The following KDM4B variants were observed in gnomAD, a reference collection of about 807,000 sequenced individuals.
KDM4B encodes lysine-specific demethylase 4B.
KDM4B carries 32 observed loss-of-function variants against 125.2 expected under a neutral mutation model. The ratio of observed to expected loss-of-function variants is 0.26; its 90% CI spans 0.19 to 0.34. The LOEUF is 0.34. Among genes scored for constraint, KDM4B ranks in the 10% least tolerant of loss-of-function variants. The pLI is 1.00. For synonymous variants in KDM4B, 721 were observed against 677.9 expected (o/e 1.06, Z -0.99); for missense variants, 1,190 against 1,577.7 (o/e 0.75, Z 4.16).
In KDM4B at chr19:5,142,378, C is replaced by T. The variant is rs1036203476; in HGVS notation, c.2551-1589C>T. On this transcript the variant is annotated intron_variant, in intron 18 of 22. Coordinates refer to ENST00000159111, the MANE Select transcript of KDM4B (RefSeq NM_015015.3). The surrounding 1 kb of genome is among the most constrained non-coding windows in gnomAD (Gnocchi z 5.4). ...GCCACAGCGCGTGGCGTGACTGGAC[C>T]TCGCCTTAGTAGGGGTGGCTCTGGG... Among the ~76,000 whole-genome samples, 2 of 152,212 alleles carry T rather than the reference C, an allele frequency of 1.3e-5. No individual in the cohort carries two copies. The highest frequency in any genetic ancestry group is 2.9e-5 in the Non-Finnish European group (2 of 68,020).
At chr19:5,119,385 G>C (rs111657219) in intron 10 of KDM4B, among the ~76,000 whole-genome samples, 6 of 152,202 alleles carry the variant, frequency 3.9e-5, no homozygotes, top group African/African-American at 1.4e-4. Context: ...ATCTCCAGCT[G>C]TCATCAGCGT....
intron 1 of KDM4B, among the ~76,000 whole-genome samples, chr19:4,998,984 G>T (rs186445588): frequency 3.2e-4 from 48 of 152,240 alleles, no homozygotes; most frequent in African/African-American, 9.6e-4. Flanking sequence ...TGGTTAAGGT[G>T]GGCCCGCCAG....
At chr19:5,092,499 A>T (rs941324558) in intron 9 of KDM4B, among the ~76,000 whole-genome samples, 1 of 151,902 alleles carries the variant, frequency 6.6e-6, no homozygotes, top group Non-Finnish European at 1.5e-5. Context: ...TCCGGGGGGG[A>T]CACATCTCCC....
At chr19:5,067,066 C>G (rs534447336) in intron 6 of KDM4B, among the ~76,000 whole-genome samples, 13 of 152,296 alleles carry the variant, frequency 8.5e-5, no homozygotes, top group African/African-American at 2.9e-4. Context: ...GCAGTGGGTG[C>G]ACCTGAGGGA....
intron 13 of KDM4B, among the ~76,000 whole-genome samples, chr19:5,133,624 T>C (rs1358746281): frequency 2.0e-5 from 3 of 152,176 alleles, no homozygotes; most frequent in African/African-American, 7.2e-5. Context: ...GTTTGGGGGC[T>C]CTGGCCTCAG....
chr19:5,028,713 A>G (rs774788330), intron 2 of KDM4B, among the ~76,000 whole-genome samples: 19 of 151,986 alleles, frequency 1.3e-4, no homozygotes, highest in Non-Finnish European at 1.8e-4. Flanking sequence ...GAGGGCCCCA[A>G]TTTCTCCACA....
At chr19:5,032,798 G>A in intron 2 of KDM4B, 68 bp from the exon 3 acceptor site, 4 of 1,443,780 alleles carry the variant, frequency 2.8e-6, no homozygotes, top group Non-Finnish European at 3.8e-6. Context: ...CCGTTCTGAG[G>A]GAGGACGGGC....
chr19:5,131,090 A>C lies in KDM4B; in HGVS notation c.1330A>C (p.Lys444Gln). The C allele has an allele frequency of 6.6e-7, 1 of 1,512,414 alleles. No homozygotes were observed. The highest frequency in any genetic ancestry group is 8.8e-7 in the Non-Finnish European group (1 of 1,130,178). The allele number at this position is 1,512,414 out of a possible 1,614,324, so 93.7% of individuals were successfully genotyped here. A position where few individuals can be genotyped will look rare whatever the true frequency, so the allele number is the denominator to read the frequency against. The change falls in exon 12 of 23, where the codon AAG (lysine) becomes CAG (glutamine). Residue 444 changes from lysine to glutamine, a missense_variant. Physicochemically the swap from Lys to Gln is moderately conservative, Grantham distance 53. Coordinates refer to ENST00000159111, the MANE Select transcript of KDM4B (RefSeq NM_015015.3). ...TCTTCCCACAGAGGACGGGAGGGGC[A>C]AGCTGCGGCCAACCAAGGCCAAGAG... ...AEGAEEDGRG[K>Q]LRPTKAKSER...
intron 1 of KDM4B, among the ~76,000 whole-genome samples, chr19:5,002,799 AAGTT>A (rs1165445589): frequency 6.6e-6 from 1 of 151,766 alleles, no homozygotes; most frequent in South Asian, 2.1e-4. Context: ...AAAGAAAAAA[AAGTT>A]AGCCAGGCAT....
chr19:4,995,693 G>A (rs1422446190), intron 1 of KDM4B, among the ~76,000 whole-genome samples: 5 of 152,186 alleles, frequency 3.3e-5, no homozygotes, highest in African/African-American at 1.2e-4. Context: ...CATCCTCTAC[G>A]CAGAGCAGCC....
At position 5,110,948 on chromosome 19, in the gene KDM4B, AC is replaced by A. The variant is rs1271823046; in HGVS notation, c.1115+134del. 11 of 670,128 alleles carry A rather than the reference AC, an allele frequency of 1.6e-5. No homozygotes were observed. In the African/African-American group the frequency reaches 2.1e-4, roughly 13 times the overall value. The allele number at this position is 670,128 out of a possible 1,614,324, so 41.5% of individuals were successfully genotyped here. ...CACTCCTCCCTTTCTTCCTATTCCC[AC>A]CCCGCCTCCTCTTTCGTCCTCCTCC... On this transcript the variant is annotated intron_variant, in intron 10 of 22. Coordinates refer to ENST00000159111, the MANE Select transcript of KDM4B (RefSeq NM_015015.3).
At position 5,081,220 on chromosome 19, in the gene KDM4B, G is replaced by A. The variant is rs11666210; in HGVS notation, c.781-1147G>A. 0.32 allele frequency among the ~76,000 whole-genome samples: 48,755 copies of A among 152,134 alleles called. 9,409 individuals are homozygous for A. The highest frequency in any genetic ancestry group is 0.9 in the East Asian group (4,649 of 5,186). ...CTAGTTCATGAGCCTCAGTTTCCAC[G>A]TCTGTGGATTGGGCCCACAGCCCCA... On this transcript the variant is annotated intron_variant, in intron 8 of 22. Coordinates refer to ENST00000159111, the MANE Select transcript of KDM4B (RefSeq NM_015015.3). This position sits in a 1 kb window ranked among gnomAD's most constrained non-coding sequence, Gnocchi z 4.2.
At chr19:5,130,840 C>A (rs183057629) in intron 11 of KDM4B, among the ~76,000 whole-genome samples, 1 of 152,250 alleles carries the variant, frequency 6.6e-6, no homozygotes, top group Non-Finnish European at 1.5e-5. Context: ...AGGCAAGTGC[C>A]GCTGCTGCGC....
intron 1 of KDM4B, among the ~76,000 whole-genome samples, chr19:4,994,298 G>T (rs1278785777): frequency 6.6e-6 from 1 of 151,370 alleles, no homozygotes; most frequent in African/African-American, 2.4e-5. Context: ...CTGGCTGGGC[G>T]CAGTGGCTCA....
chr19:5,001,158 A>T (rs982822165), intron 1 of KDM4B, among the ~76,000 whole-genome samples: 6 of 151,376 alleles, frequency 4.0e-5, no homozygotes, highest in Non-Finnish European at 7.4e-5. Context: ...CGGCCTCCTG[A>T]CTTAGCTGAG....
chr19:5,148,119 C>T (rs1043213456), intron 21 of KDM4B, among the ~76,000 whole-genome samples: 2 of 152,390 alleles, frequency 1.3e-5, no homozygotes, highest in South Asian at 2.1e-4. Flanking sequence ...GCTTCTGAGA[C>T]GTGCCGGGCA....
At chr19:5,051,191 C>T (rs916317653) in intron 6 of KDM4B, among the ~76,000 whole-genome samples, 6 of 152,246 alleles carry the variant, frequency 3.9e-5, no homozygotes, top group Non-Finnish European at 8.8e-5. Context: ...GGGTCTCGGC[C>T]AGCCCTGAGA....
At chr19:5,021,212 TG>T (rs2036109706) in intron 2 of KDM4B, among the ~76,000 whole-genome samples, 1 of 151,880 alleles carries the variant, frequency 6.6e-6, no homozygotes, top group Admixed American at 6.6e-5. Flanking sequence ...CTCCAGCTCT[TG>T]GGGTGGGGCC....
At chr19:5,102,070 A>G (rs914398604) in intron 9 of KDM4B, among the ~76,000 whole-genome samples, 1 of 151,688 alleles carries the variant, frequency 6.6e-6, no homozygotes, top group Admixed American at 6.6e-5. Flanking sequence ...GAGCACCCCC[A>G]CCCTTGTTTC....
Sources: gnomAD v4.1 joint callset for allele counts (sites outside exome capture counted in the v4.1 genomes callset) on GRCh38, gnomAD v4.1.1 for gene constraint, Gnocchi (gnomAD v3.1) non-coding constraint, MANE v1.5 for transcripts, NCBI Gene and HGNC (gene_info 2026-07-23, HGNC 2026-07-21) for gene names.